The following KCNC2 variants were observed in gnomAD, a reference collection of about 807,000 sequenced individuals.
KCNC2 encodes the protein potassium voltage-gated channel subfamily C member 2.
In KCNC2, 21 loss-of-function variants were observed where a neutral mutation model predicts 44.5. The ratio of observed to expected loss-of-function variants is 0.47; its 90% confidence interval spans 0.33 to 0.68. The LOEUF (loss-of-function observed/expected upper bound fraction) is 0.68. Among genes scored for constraint, KCNC2 ranks in the 30% least tolerant of loss-of-function variants. The pLI, the probability that KCNC2 is intolerant of heterozygous loss-of-function variation, is 0.01. For missense variants in KCNC2, 589 were observed against 826.2 expected (o/e 0.71, Z 3.52); for synonymous variants, 391 against 339.1 (o/e 1.15, Z -1.68).
intron 4 of KCNC2, among the ~76,000 whole-genome samples, chr12:75,047,947 T>G (rs1880712662): frequency 6.6e-6 from 1 of 152,012 alleles, no homozygotes; most frequent in African/African-American, 2.4e-5. Flanking sequence ...GAAAAAAGGA[T>G]GAGATGTCTT....
chr12:75,090,092 G>A (rs1885345501), intron 2 of KCNC2, among the ~76,000 whole-genome samples: 1 of 151,642 alleles, frequency 6.6e-6, no homozygotes, highest in Admixed American at 6.6e-5. Context: ...ATTTGGGGGT[G>A]CTCCCTTATA....
intron 2 of KCNC2, among the ~76,000 whole-genome samples, chr12:75,071,964 A>AAAAAAAG (rs1883461176): frequency 7.2e-6 from 1 of 138,008 alleles, no homozygotes; most frequent in Non-Finnish European, 1.5e-5. Context: ...AAAAAAAAAA[A>AAAAAAAG]GAGTTAACTC....
chr12:75,066,891 G>T (rs966194145), intron 2 of KCNC2, among the ~76,000 whole-genome samples: 1 of 152,106 alleles, frequency 6.6e-6, no homozygotes, highest in Non-Finnish European at 1.5e-5. Context: ...TTAATCTAAT[G>T]CTTTCAATTT....
chr12:75,166,015 A>G (rs562602261), intron 2 of KCNC2, among the ~76,000 whole-genome samples: 2 of 151,414 alleles, frequency 1.3e-5, no homozygotes, highest in Non-Finnish European at 3.0e-5. Context: ...TACAAAAGAT[A>G]TTCATATTCA....
intron 2 of KCNC2, among the ~76,000 whole-genome samples, chr12:75,120,908 C>A (rs1301760250): frequency 6.6e-6 from 1 of 152,134 alleles, no homozygotes; most frequent in Non-Finnish European, 1.5e-5. Flanking sequence ...AAAGACTTAA[C>A]CCTATACATT....
intron 2 of KCNC2, among the ~76,000 whole-genome samples, chr12:75,081,405 T>C (rs905113033): frequency 1.7e-5 from 2 of 118,248 alleles, no homozygotes; most frequent in Non-Finnish European, 3.4e-5. Flanking sequence ...TATTTAAACA[T>C]TCATTTTTTT....
intron 2 of KCNC2, among the ~76,000 whole-genome samples, chr12:75,130,887 C>G (rs1888797057): frequency 6.6e-6 from 1 of 151,948 alleles, no homozygotes; most frequent in Non-Finnish European, 1.5e-5. Flanking sequence ...AGCTCACTGG[C>G]AATCCTGAGT....
At chr12:75,166,741 A>G (rs1180527877) in intron 2 of KCNC2, among the ~76,000 whole-genome samples, 1 of 151,152 alleles carries the variant, frequency 6.6e-6, no homozygotes, top group East Asian at 1.9e-4. Flanking sequence ...TATAAAAGAA[A>G]TTAGAAAATA....
chr12:75,080,917 A>G (rs536150020), intron 2 of KCNC2, among the ~76,000 whole-genome samples: 7 of 152,186 alleles, frequency 4.6e-5, no homozygotes, highest in African/African-American at 7.2e-5. Context: ...AGTGCTCAAC[A>G]TGTATCAGAA....
At position 75,198,087 on chromosome 12, in the gene KCNC2, CAA is replaced by C. The variant is rs149577829; in HGVS notation, c.687+9208_687+9209del. 3.8e-3 allele frequency among the ~76,000 whole-genome samples: 571 copies of C among 151,958 alleles called. 1 individual carries two copies. The highest frequency in any genetic ancestry group is 0.013 in the African/African-American group (536 of 41,524). ...ATTAAAGACAATCCTGCTTTTGCAT[CAA>C]GTCTAATCATTTTTTAATGTCACTA... On this transcript the variant is annotated intron_variant, in intron 2 of 4. Transcript: ENST00000549446.
Position 75,207,789 on chromosome 12 carries a change from C to T in KCNC2, c.195G>A (p.Pro65=), listed in dbSNP as rs562835849. Residue 65 remains proline, a synonymous_variant, in exon 2 of 5, where the codon CCG becomes CCA. Coordinates refer to ENST00000549446, the MANE Select transcript of KCNC2 (RefSeq NM_139137.4). The surrounding 1 kb of genome is among the most constrained non-coding windows in gnomAD (Gnocchi z 4.1). ...GCCCGGGGGACAGCGGGGGCGCTCT[C>T]GGCGGCGGCGACAGTGGAGGCGGCG... The part of the protein sequence containing the change: ...QPSPPPLSPP[P]RAPPLSPGPG... 693 of 1,591,484 alleles carry T rather than the reference C, an allele frequency of 4.4e-4. 8 individuals carry two copies. In the South Asian group the frequency reaches 6.2e-3, roughly 14 times the overall value.
Position 75,207,198 on chromosome 12 carries a change from C to T in KCNC2, c.687+99G>A, listed in dbSNP as rs1277093119. The stretch of plus-strand genomic sequence containing the variant: ...GCTAGGAAATCCCGGGTCTCTTCTA[C>T]CCCCCATGCCTGAGGCCCTGGGGTG... On this transcript the variant is annotated intron_variant, in intron 2 of 4. Transcript: ENST00000549446. The surrounding 1 kb of genome is among the most constrained non-coding windows in gnomAD (Gnocchi z 4.1). 4.8e-6 allele frequency: 7 copies of T among 1,458,690 alleles called. No individual in the cohort carries two copies. Among genetic ancestry groups the T allele is most frequent in the South Asian group, 3.0e-5 (2 of 66,698 alleles). 90.4% of individuals were successfully genotyped at this position (1,458,690 alleles called of 1,614,324 possible).
rs551548700 is a variant in KCNC2 at position 75,070,616 on chromosome 12, A to T, written c.688-19299T>A. 5.3e-5 allele frequency among the ~76,000 whole-genome samples: 8 copies of T among 152,232 alleles called. No individual in the cohort carries two copies. The East Asian group carries it at 1.5e-3, about 29-fold the overall frequency. Reference sequence around the variant, plus strand: ...TCTCCATTCTTAGGTTGAGATAAAAACAGAACTTTAAAAAAATATATATAT... The same window carrying T: ...TCTCCATTCTTAGGTTGAGATAAAATCAGAACTTTAAAAAAATATATATAT... On this transcript the variant is annotated intron_variant, in intron 2 of 4. Transcript: ENST00000549446.
At chr12:75,181,428 A>C (rs2137645392) in intron 2 of KCNC2, among the ~76,000 whole-genome samples, 1 of 152,290 alleles carries the variant, frequency 6.6e-6, no homozygotes, top group East Asian at 1.9e-4. Context: ...GCAGAGTAGC[A>C]AAAGTTATAC....
intron 2 of KCNC2, among the ~76,000 whole-genome samples, chr12:75,168,742 T>C (rs943004990): frequency 2.0e-5 from 3 of 151,602 alleles, no homozygotes; most frequent in African/African-American, 7.2e-5. Context: ...TTTTGCTGTC[T>C]GTGAAGGTTG....
chr12:75,111,622 T>C (rs1365317897), intron 2 of KCNC2, among the ~76,000 whole-genome samples: 1 of 152,060 alleles, frequency 6.6e-6, no homozygotes, highest in African/African-American at 2.4e-5. Flanking sequence ...ATATATGAGT[T>C]TCTGCTGAAA....
At chr12:75,152,731 C>T (rs998936228) in intron 2 of KCNC2, among the ~76,000 whole-genome samples, 9 of 151,786 alleles carry the variant, frequency 5.9e-5, no homozygotes, top group Non-Finnish European at 1.3e-4. Flanking sequence ...AATAATAATA[C>T]ATAAGTTGTT....
At position 75,107,311 on chromosome 12, in the gene KCNC2, T is replaced by C. The variant is rs184848892; in HGVS notation, c.688-55994A>G. 1.8e-3 allele frequency among the ~76,000 whole-genome samples: 227 copies of C among 128,808 alleles called. 1 individual carries two copies. The highest frequency in any genetic ancestry group is 7.1e-3 in the African/African-American group (219 of 30,992). 84.5% of individuals were successfully genotyped at this position (128,808 alleles called of 152,430 possible). A position where few individuals can be genotyped will look rare whatever the true frequency, so the allele number is the denominator to read the frequency against. Reference sequence around the variant, plus strand: ...AGAGGGAGACTCCATCTCAAAAAAATAAATAATAATGGCAATAATAATAAC... The same window carrying C: ...AGAGGGAGACTCCATCTCAAAAAAACAAATAATAATGGCAATAATAATAAC... On this transcript the variant is annotated intron_variant, in intron 2 of 4. Transcript: ENST00000549446.
chr12:75,126,842 T>C (rs771788777), intron 2 of KCNC2, among the ~76,000 whole-genome samples: 7 of 152,060 alleles, frequency 4.6e-5, no homozygotes, highest in Non-Finnish European at 1.0e-4. Context: ...AGAAAAGCAT[T>C]TGGGGCAGGA....
Sources: gnomAD v4.1 joint callset for allele counts (sites outside exome capture counted in the v4.1 genomes callset) on GRCh38, gnomAD v4.1.1 for gene constraint, Gnocchi (gnomAD v3.1) non-coding constraint, MANE v1.5 for transcripts, NCBI Gene and HGNC (gene_info 2026-07-23, HGNC 2026-07-21) for gene names.